EYA1: variants seen among roughly 807,000 people sequenced by gnomAD.
EYA1 encodes protein phosphatase EYA1.
Under a neutral mutation model 82.0 loss-of-function variants are expected in EYA1, and 16 were observed. The ratio of observed to expected loss-of-function variants is 0.20; its 90% CI spans 0.13 to 0.30. The LOEUF is 0.30. EYA1 is among the 10% of genes least tolerant of loss of function. EYA1 has a pLI of 1.00. For synonymous variants in EYA1, 261 were observed against 264.4 expected (o/e 0.99, Z 0.12); for missense variants, 633 against 730.7 (o/e 0.87, Z 1.54).
chr8:71,203,953 G>C (rs1179889398), intron 17 of EYA1, among the ~76,000 whole-genome samples: 3 of 152,152 alleles, frequency 2.0e-5, no homozygotes, highest in East Asian at 3.9e-4. Flanking sequence ...GAATTCATTT[G>C]CTTGTATTCA....
At position 71,528,179 on chromosome 8, in the gene EYA1, G is replaced by A. The variant is rs1340645791; in HGVS notation, c.33+7565C>T. Among the ~76,000 whole-genome samples the A allele has an allele frequency of 2.6e-5, 4 of 152,068 alleles. No individual in the cohort carries two copies. In the East Asian group the frequency reaches 5.8e-4, roughly 22 times the overall value. Reference sequence around the variant, plus strand: ...GGGGCAATGAGTCTCAATGGTTAGGGCCCCTCTTTCCTTTCTTTCCAGCAT... The same window carrying A: ...GGGGCAATGAGTCTCAATGGTTAGGACCCCTCTTTCCTTTCTTTCCAGCAT... On this transcript the variant is annotated intron_variant, in intron 2 of 18. Transcript: ENST00000643681.
At chr8:71,284,220 G>A (rs1351703061) in intron 9 of EYA1, among the ~76,000 whole-genome samples, 1 of 152,226 alleles carries the variant, frequency 6.6e-6, no homozygotes, top group African/African-American at 2.4e-5. Context: ...CACAACCAGA[G>A]CTTGGCTGCT....
At chr8:71,452,613 A>G (rs2129181387) in intron 2 of EYA1, among the ~76,000 whole-genome samples, 1 of 152,294 alleles carries the variant, frequency 6.6e-6, no homozygotes, top group South Asian at 2.1e-4. Context: ...ATGTTCAGCA[A>G]TATTCGCTGT....
intron 2 of EYA1, among the ~76,000 whole-genome samples, chr8:71,472,788 G>GATAGATAGATATATATAT (rs1554592238): frequency 3.2e-5 from 4 of 126,840 alleles, no homozygotes; most frequent in African/African-American, 1.2e-4. Context: ...TAGCTTTGAA[G>GATAGATAGATATATATAT]ATATATATAT....
chr8:71,407,799 C>A (rs369109574), intron 2 of EYA1, among the ~76,000 whole-genome samples: 22,234 of 144,404 alleles, frequency 0.15, 1,977 homozygotes, highest in African/African-American at 0.22. Flanking sequence ...AAACACTCTG[C>A]AGGATATTAT....
chr8:71,446,499 G>A (rs1329279284), intron 2 of EYA1, among the ~76,000 whole-genome samples: 2 of 152,132 alleles, frequency 1.3e-5, no homozygotes, highest in Non-Finnish European at 2.9e-5. Flanking sequence ...GTCCTGGGTA[G>A]TATCTTCATA....
intron 4 of EYA1, among the ~76,000 whole-genome samples, chr8:71,327,614 T>C (rs1286662476): frequency 6.6e-6 from 1 of 152,166 alleles, no homozygotes; most frequent in Non-Finnish European, 1.5e-5. Flanking sequence ...CCACATGCCT[T>C]GGAAAACCAG....
At chr8:71,376,846 T>C (rs1237161779) in intron 2 of EYA1, among the ~76,000 whole-genome samples, 3 of 152,150 alleles carry the variant, frequency 2.0e-5, no homozygotes, top group Non-Finnish European at 1.5e-5. Context: ...CTAGTTTTCA[T>C]CACTATCTTG....
chr8:71,254,243 CAAAAA>C (rs56047377), intron 11 of EYA1, among the ~76,000 whole-genome samples: 10 of 51,476 alleles, frequency 1.9e-4, no homozygotes, highest in African/African-American at 8.1e-4. Context: ...AAGTCTTGGC[CAAAAA>C]AAAAAAAAAA....
chr8:71,221,363 C>T (rs1341017885), intron 12 of EYA1, among the ~76,000 whole-genome samples: 1 of 152,072 alleles, frequency 6.6e-6, no homozygotes, highest in Non-Finnish European at 1.5e-5. Flanking sequence ...GCTTAGTGAC[C>T]AGGCCTCAGA....
chr8:71,211,194 T>C lies in EYA1; in HGVS notation c.1660A>G (p.Ile554Val), dbSNP rs1422893057. Residue 554 changes from isoleucine to valine, a missense_variant, in exon 17 of 18, where the codon ATA becomes GTA. Physicochemically the swap from Ile to Val is conservative, Grantham distance 29. Coordinates refer to ENST00000340726, the MANE Select transcript of EYA1 (RefSeq NM_000503.6). ...TGTTCTTCTTCTACACCATCTCCTA[T>C]AACAACATACACCACTTTTCTTCCA... ...RFGRKVVYVV[I>V]GDGVEEEQGA... 1 of 1,613,622 alleles carries C rather than the reference T, an allele frequency of 6.2e-7. No homozygotes were observed. Among genetic ancestry groups the C allele is most frequent in the Non-Finnish European group, 8.5e-7 (1 of 1,179,568 alleles).
chr8:71,426,610 T>C (rs939894030), intron 2 of EYA1, among the ~76,000 whole-genome samples: 3 of 152,268 alleles, frequency 2.0e-5, no homozygotes, highest in Non-Finnish European at 4.4e-5. Context: ...GATGTCTTCA[T>C]GGGGTTTCTG....
At chr8:71,488,277 A>T (rs1178071783) in intron 2 of EYA1, among the ~76,000 whole-genome samples, 1 of 152,004 alleles carries the variant, frequency 6.6e-6, no homozygotes, top group African/African-American at 2.4e-5. Context: ...GATAAAAAAT[A>T]AGGATATAGG....
chr8:71,482,587 A>G (rs1359281180), intron 2 of EYA1, among the ~76,000 whole-genome samples: 1 of 152,244 alleles, frequency 6.6e-6, no homozygotes, highest in African/African-American at 2.4e-5. Context: ...GACATTTACA[A>G]GTATGTTCAT....
chr8:71,243,059 T>C (rs554996524), intron 12 of EYA1, among the ~76,000 whole-genome samples: 3 of 152,288 alleles, frequency 2.0e-5, no homozygotes, highest in East Asian at 3.9e-4. Context: ...ATTACAGGCA[T>C]GAGCCACTGC....
intron 6 of EYA1, 86 bp from the exon 7 acceptor site, chr8:71,317,775 A>C: frequency 7.9e-7 from 1 of 1,264,690 alleles, no homozygotes; most frequent in Non-Finnish European, 1.2e-6. Context: ...CAACCGTTTA[A>C]CTACAAATGC....
chr8:71,240,552 C>T (rs1429129352), intron 12 of EYA1, among the ~76,000 whole-genome samples: 3 of 152,086 alleles, frequency 2.0e-5, no homozygotes, highest in Non-Finnish European at 2.9e-5. Flanking sequence ...CCCACTCTTC[C>T]CAATCCTTAC....
chr8:71,337,785 C>T (rs1259165818), intron 3 of EYA1, among the ~76,000 whole-genome samples: 2 of 152,198 alleles, frequency 1.3e-5, no homozygotes, highest in African/African-American at 4.8e-5. Context: ...GGGCTGAATG[C>T]CTTCCTCCTT....
chr8:71,382,972 C>T (rs1828790371), intron 2 of EYA1, among the ~76,000 whole-genome samples: 1 of 152,000 alleles, frequency 6.6e-6, no homozygotes, highest in African/African-American at 2.4e-5. Flanking sequence ...CAAAATTGTG[C>T]TTTAAAAAAT....
Sources: gnomAD v4.1 joint callset for allele counts (sites outside exome capture counted in the v4.1 genomes callset) on GRCh38, gnomAD v4.1.1 for gene constraint, MANE v1.5 for transcripts, NCBI Gene and HGNC (gene_info 2026-07-23, HGNC 2026-07-21) for gene names.